FAM3D: variants seen among roughly 807,000 people sequenced by gnomAD.
FAM3D encodes the protein FAM3 metabolism regulating signaling molecule D, also known as protein FAM3D.
In FAM3D, 26 loss-of-function variants were observed where a neutral mutation model predicts 29.8. The ratio of observed to expected loss-of-function variants is 0.87; its 90% CI spans 0.64 to 1.21. FAM3D has a LOEUF of 1.21. Ranked by LOEUF, FAM3D falls within the 50% of genes most tolerant of loss-of-function variation. The probability of loss-of-function intolerance (pLI) is 0.00; values close to 1 mark genes in which losing one functional copy is unlikely to be tolerated. For synonymous variants in FAM3D, 115 were observed against 102.3 expected (o/e 1.12, Z -0.75); for missense variants, 253 against 290.9 (o/e 0.87, Z 0.95).
At chr3:58,665,631 C>T (rs897866026) in intron 1 of FAM3D, among the ~76,000 whole-genome samples, 2 of 152,166 alleles carry the variant, frequency 1.3e-5, no homozygotes, top group African/African-American at 4.8e-5. Context: ...CCACTTCCAG[C>T]CATGGACTCA....
intron 7 of FAM3D, among the ~76,000 whole-genome samples, chr3:58,637,687 C>T (rs2066214035): frequency 6.6e-6 from 1 of 152,084 alleles, no homozygotes; most frequent in African/African-American, 2.4e-5. Context: ...AACTGAGATC[C>T]CTGGGAGAGA....
At chr3:58,641,903 A>T (rs1452216745) in intron 6 of FAM3D, among the ~76,000 whole-genome samples, 1 of 152,194 alleles carries the variant, frequency 6.6e-6, no homozygotes, top group Non-Finnish European at 1.5e-5. Context: ...CTCAGGTGCG[A>T]CCCATTTAGG....
chr3:58,650,694 G>A (rs1473836050), intron 3 of FAM3D, among the ~76,000 whole-genome samples: 4 of 152,128 alleles, frequency 2.6e-5, no homozygotes, highest in Non-Finnish European at 4.4e-5. Flanking sequence ...TTAAAGTTGA[G>A]TTGGTCACTC....
At chr3:58,639,963 A>G (rs1283531728) in intron 7 of FAM3D, among the ~76,000 whole-genome samples, 164 bp downstream of exon 7, 2 of 152,074 alleles carry the variant, frequency 1.3e-5, no homozygotes, top group African/African-American at 4.8e-5. Flanking sequence ...GGAGTTTCGA[A>G]AGCAGCAGGA....
chr3:58,637,194 T>G lies in FAM3D; in HGVS notation c.405A>C (p.Glu135Asp). The G allele has an allele frequency of 6.2e-7, 1 of 1,613,872 alleles. No homozygotes were observed. The highest frequency in any genetic ancestry group is 1.1e-5 in the South Asian group (1 of 91,010). Residue 135 changes from glutamate to aspartate, a missense_variant, in exon 8 of 10, where the codon GAA becomes GAC. By Grantham distance (45) the Glu-to-Asp change is conservative. Coordinates refer to ENST00000358781, the MANE Select transcript of FAM3D (RefSeq NM_138805.3). ...CCAGCACCAGTGCACCCCCCGGAAT[T>G]TCTTTAAGGAATTTCACTAGGTGCA... ...DVMHLVKFLK[E>D]IPGGALVLVA...
rs560731651 is a variant in FAM3D, at chr3:58,663,917, C to T, written c.-39+2659G>A. 9.2e-5 allele frequency among the ~76,000 whole-genome samples: 14 copies of T among 152,336 alleles called. No individual in the cohort carries two copies. The South Asian group carries it at 1.9e-3, about 20-fold the overall frequency. On this transcript the variant is annotated intron_variant, in intron 1 of 9. Coordinates refer to ENST00000358781, the MANE Select transcript of FAM3D (RefSeq NM_138805.3). ...CACCAGGGCTGCCCTCACCTGTCCTCGCCAGAGGAATTCCATACTTTGTGG... is the reference window on the plus strand; with the variant it reads ...CACCAGGGCTGCCCTCACCTGTCCTTGCCAGAGGAATTCCATACTTTGTGG...
intron 3 of FAM3D, among the ~76,000 whole-genome samples, chr3:58,649,928 A>T (rs2066586155): frequency 6.6e-6 from 1 of 152,178 alleles, no homozygotes; most frequent in Non-Finnish European, 1.5e-5. Flanking sequence ...TCACTGTGTG[A>T]GGGCCAAGCC....
At position 58,637,200 on chromosome 3, in the gene FAM3D, A is replaced by T; in HGVS notation, c.399T>A (p.Leu133=). 6.2e-7 allele frequency: 1 copy of T among 1,613,746 alleles called. No homozygotes were observed. The highest frequency in any genetic ancestry group is 8.5e-7 in the Non-Finnish European group (1 of 1,179,898). Residue 133 remains leucine (L), a synonymous_variant, in exon 8 of 10, where the codon CTT becomes CTA. Coordinates refer to ENST00000358781, the MANE Select transcript of FAM3D (RefSeq NM_138805.3). ...CCAGTGCACCCCCCGGAATTTCTTT[A>T]AGGAATTTCACTAGGTGCATAACAT... is the stretch of plus-strand genomic sequence containing the variant. ...SGDVMHLVKF[L]KEIPGGALVL...
rs773927980 is a variant in FAM3D at position 58,649,411 on chromosome 3, G to A, written c.122-73C>T. 31 of 1,591,846 alleles carry A rather than the reference G, an allele frequency of 1.9e-5. No homozygotes were observed. The Admixed American group carries it at 3.6e-4, about 18-fold the overall frequency. ...CCTGCAGGATGGAGGTTGGGGGCTG[G>A]GGGCTGGGGAGTGGGAATAAGGGGA... On this transcript the variant is annotated intron_variant, in intron 3 of 9. Coordinates refer to ENST00000358781, the MANE Select transcript of FAM3D (RefSeq NM_138805.3).
Position 58,637,217 on chromosome 3 carries a change from G to A in FAM3D, c.382C>T (p.His128Tyr), listed in dbSNP as rs2066198542. 1.2e-6 allele frequency: 2 copies of A among 1,612,748 alleles called. No homozygotes were observed. Among genetic ancestry groups the A allele is most frequent in the African/African-American group, 1.3e-5 (1 of 74,880 alleles). Residue 128 changes from histidine to tyrosine, a missense_variant, in exon 8 of 10, where the codon CAC becomes TAC. By Grantham distance (83) the His-to-Tyr change is moderately conservative. Coordinates refer to ENST00000358781, the MANE Select transcript of FAM3D (RefSeq NM_138805.3). ...AFDMYSGDVM[H>Y]LVKFLKEIPG... ...ATTTCTTTAAGGAATTTCACTAGGT[G>A]CATAACATCTGGGGGAGGAAGGAAA...
At chr3:58,658,645 G>A (rs1220606594) in intron 1 of FAM3D, among the ~76,000 whole-genome samples, 1 of 152,200 alleles carries the variant, frequency 6.6e-6, no homozygotes, top group Admixed American at 6.5e-5. Flanking sequence ...CTGGATGGGA[G>A]CACATCCATC....
At chr3:58,664,593 C>T (rs942427430) in intron 1 of FAM3D, among the ~76,000 whole-genome samples, 1 of 152,214 alleles carries the variant, frequency 6.6e-6, no homozygotes, top group Non-Finnish European at 1.5e-5. Context: ...TTATTACCGT[C>T]CTCATTCTTT....
At chr3:58,656,992 A>AC (rs2066822762) in intron 1 of FAM3D, among the ~76,000 whole-genome samples, 1 of 151,878 alleles carries the variant, frequency 6.6e-6, no homozygotes, top group Non-Finnish European at 1.5e-5. Flanking sequence ...CCCTGATCCT[A>AC]CTCCTCTAGG....
At chr3:58,642,124 G>A (rs949436630) in intron 6 of FAM3D, among the ~76,000 whole-genome samples, 6 of 152,176 alleles carry the variant, frequency 3.9e-5, no homozygotes, top group African/African-American at 1.2e-4. Context: ...TGAGGCTGGA[G>A]TGGAACAGGC....
At chr3:58,636,270 G>A (rs1380365644) in intron 9 of FAM3D, 24 bp downstream of exon 9, 4 of 1,610,296 alleles carry the variant, frequency 2.5e-6, no homozygotes, top group Non-Finnish European at 2.5e-6. Flanking sequence ...CCTTCATAGG[G>A]CCGGGTTGTG....
intron 6 of FAM3D, 103 bp from the exon 7 acceptor site, chr3:58,640,280 T>A (rs1485327823): frequency 1.5e-6 from 2 of 1,320,900 alleles, no homozygotes; most frequent in Non-Finnish European, 2.2e-6. Context: ...AAAAACAGAA[T>A]AAGAATCTAA....
At chr3:58,650,996 C>T (rs996616049) in intron 3 of FAM3D, among the ~76,000 whole-genome samples, 15 of 149,732 alleles carry the variant, frequency 1.0e-4, no homozygotes, top group Admixed American at 4.0e-4. Flanking sequence ...GGATTACAGG[C>T]GTGAGCCACC....
chr3:58,645,530 G>A lies in FAM3D; in HGVS notation c.242C>T (p.Thr81Ile), dbSNP rs1447883140. The A allele has an allele frequency of 6.2e-7, 1 of 1,613,978 alleles. No homozygotes were observed. Among genetic ancestry groups the A allele is most frequent in the East Asian group, 2.2e-5 (1 of 44,894 alleles). ...TTACATGCGGTCTTCAAAGCACATA[G>A]TAGGGCCCACGACGTTGGCGGCCCC... ...CSGAANVVGP[T>I]MCFEDRMIMS... Residue 81 changes from threonine to isoleucine, a missense_variant, in exon 5 of 10, where the codon ACT becomes ATT. Physicochemically the swap from Thr to Ile is moderately conservative, Grantham distance 89 (BLOSUM62 -1). Coordinates refer to ENST00000358781, the MANE Select transcript of FAM3D (RefSeq NM_138805.3).
At chr3:58,647,436 C>T (rs1047469994) in intron 4 of FAM3D, among the ~76,000 whole-genome samples, 9 of 152,208 alleles carry the variant, frequency 5.9e-5, no homozygotes. Context: ...TCCTGGTCTC[C>T]TACAGCCTTG....
Sources: gnomAD v4.1 joint callset for allele counts (sites outside exome capture counted in the v4.1 genomes callset) on GRCh38, gnomAD v4.1.1 for gene constraint, MANE v1.5 for transcripts, NCBI Gene and HGNC (gene_info 2026-07-23, HGNC 2026-07-21) for gene names.